The following MEI4 variants were observed in gnomAD, a reference collection of about 807,000 sequenced individuals.
MEI4 encodes the protein meiosis-specific protein MEI4.
A neutral mutation model predicts 31.4 loss-of-function variants in MEI4; 27 were observed. The observed-to-expected ratio is 0.86, with a 90% CI of 0.63 to 1.19. MEI4 has a LOEUF of 1.19. Ranked by LOEUF, MEI4 falls within the 50% of genes most tolerant of loss-of-function variation. The probability of loss-of-function intolerance (pLI) is 0.00; values close to 1 mark genes in which losing one functional copy is unlikely to be tolerated. For synonymous variants in MEI4, 122 were observed against 145.4 expected (o/e 0.84, Z 1.16); for missense variants, 329 against 398.9 (o/e 0.82, Z 1.49).
intron 3 of MEI4, among the ~76,000 whole-genome samples, chr6:77,771,741 C>T (rs980473683): frequency 1.3e-5 from 2 of 151,978 alleles, no homozygotes; most frequent in Admixed American, 1.3e-4. Context: ...ATAACAAGCA[C>T]ACATGGACAC....
chr6:77,913,752 A>T (rs1766481540), intron 4 of MEI4, among the ~76,000 whole-genome samples: 1 of 149,308 alleles, frequency 6.7e-6, no homozygotes, highest in African/African-American at 2.5e-5. Flanking sequence ...ACTTTTGTTG[A>T]GCCCGGGCAC....
At chr6:77,746,219 C>A (rs1216563338) in intron 2 of MEI4, among the ~76,000 whole-genome samples, 2 of 151,980 alleles carry the variant, frequency 1.3e-5, no homozygotes, top group Admixed American at 6.6e-5. Flanking sequence ...ATTGATAGAC[C>A]GCTAGCAAGA....
rs9448158 is a variant in MEI4, at chr6:77,694,964, G to A, written c.232+4061G>A. Among the ~76,000 whole-genome samples the A allele has an allele frequency of 6.5e-3, 989 of 151,404 alleles. 7 individuals carry two copies. The highest frequency in any genetic ancestry group is 0.023 in the African/African-American group (935 of 41,158). The stretch of plus-strand genomic sequence containing the variant: ...TTTAATGATCGCCATTCTAACTGGT[G>A]TGAGATGGTATCTCATTGTGGTTTT... On this transcript the variant is annotated intron_variant, in intron 2 of 4. Coordinates refer to ENST00000684080, the MANE Select transcript of MEI4 (RefSeq NM_001322247.2).
At chr6:77,837,667 T>C (rs1261470187) in intron 4 of MEI4, among the ~76,000 whole-genome samples, 1 of 152,182 alleles carries the variant, frequency 6.6e-6, no homozygotes, top group Non-Finnish European at 1.5e-5. Flanking sequence ...ATTTACTATC[T>C]TGATCTTTAC....
intron 2 of MEI4, among the ~76,000 whole-genome samples, chr6:77,704,036 A>G (rs888209998): frequency 3.3e-5 from 5 of 152,194 alleles, no homozygotes; most frequent in African/African-American, 4.8e-5. Flanking sequence ...AGAGGATAAC[A>G]AAAGAATCAT....
At chr6:77,907,612 C>T (rs1766327017) in intron 4 of MEI4, among the ~76,000 whole-genome samples, 1 of 152,110 alleles carries the variant, frequency 6.6e-6, no homozygotes, top group African/African-American at 2.4e-5. Flanking sequence ...GTGCATGTGT[C>T]CTTATAGCAG....
At chr6:77,769,247 C>T (rs767169283) in intron 3 of MEI4, among the ~76,000 whole-genome samples, 1 of 152,104 alleles carries the variant, frequency 6.6e-6, no homozygotes, top group Non-Finnish European at 1.5e-5. Context: ...TTAGTGCTGT[C>T]CTGTCAGTGG....
intron 1 of MEI4, among the ~76,000 whole-genome samples, chr6:77,687,688 A>G (rs987828449): frequency 1.3e-5 from 2 of 152,016 alleles, no homozygotes; most frequent in Non-Finnish European, 2.9e-5. Flanking sequence ...AAGTCACTCT[A>G]TTTATTACCA....
At chr6:77,813,355 A>G (rs1454346327) in intron 3 of MEI4, among the ~76,000 whole-genome samples, 1 of 152,122 alleles carries the variant, frequency 6.6e-6, no homozygotes, top group African/African-American at 2.4e-5. Flanking sequence ...GAAGTTTTCC[A>G]ATATGCAAGC....
chr6:77,809,662 G>A (rs1166669326), intron 3 of MEI4, among the ~76,000 whole-genome samples: 1 of 152,138 alleles, frequency 6.6e-6, no homozygotes, highest in Non-Finnish European at 1.5e-5. Flanking sequence ...AAAATAGAAT[G>A]AGGCTGAGAA....
At chr6:77,798,051 T>C (rs1015812528) in intron 3 of MEI4, among the ~76,000 whole-genome samples, 1 of 152,110 alleles carries the variant, frequency 6.6e-6, no homozygotes. Context: ...GAAATAAAAC[T>C]AAACTAGAAT....
At chr6:77,662,623 T>G (rs1029422517) in intron 1 of MEI4, among the ~76,000 whole-genome samples, 5 of 152,144 alleles carry the variant, frequency 3.3e-5, no homozygotes, top group Admixed American at 2.6e-4. Flanking sequence ...AAAGTATTAA[T>G]GCAGCGGCAG....
intron 3 of MEI4, among the ~76,000 whole-genome samples, chr6:77,765,321 T>A (rs1366391724): frequency 2.0e-5 from 3 of 150,730 alleles, no homozygotes; most frequent in African/African-American, 7.5e-5. Flanking sequence ...GAGATATTTT[T>A]TTGAATTGAA....
intron 1 of MEI4, among the ~76,000 whole-genome samples, chr6:77,666,679 C>G (rs796078102): frequency 6.6e-6 from 1 of 152,194 alleles, no homozygotes; most frequent in Non-Finnish European, 1.5e-5. Flanking sequence ...TCCTGCTCTT[C>G]TAGCCGTTAT....
chr6:77,692,551 G>T (rs1729795786), intron 2 of MEI4, among the ~76,000 whole-genome samples: 1 of 152,026 alleles, frequency 6.6e-6, no homozygotes, highest in Admixed American at 6.6e-5. Context: ...AAGGAATAGT[G>T]AGTTGAATTA....
intron 3 of MEI4, among the ~76,000 whole-genome samples, chr6:77,768,406 G>A (rs28431813): frequency 0.01 from 1,571 of 152,136 alleles, 27 homozygotes; most frequent in African/African-American, 0.036. Context: ...GTGTAAAAAT[G>A]TATGTTTATA....
chr6:77,716,102 G>T (rs1766577259), intron 2 of MEI4, among the ~76,000 whole-genome samples: 1 of 152,146 alleles, frequency 6.6e-6, no homozygotes, highest in South Asian at 2.1e-4. Context: ...CTAAGTGCTT[G>T]CAATACACTG....
intron 3 of MEI4, among the ~76,000 whole-genome samples, chr6:77,786,630 G>A (rs1768743425): frequency 6.6e-6 from 1 of 152,034 alleles, no homozygotes. Flanking sequence ...GTTTATATTT[G>A]TAGTTAGTAT....
At chr6:77,688,958 A>G (rs912664680) in intron 1 of MEI4, among the ~76,000 whole-genome samples, 1 of 152,030 alleles carries the variant, frequency 6.6e-6, no homozygotes, top group Non-Finnish European at 1.5e-5. Flanking sequence ...CTATAATTCT[A>G]ATTAGTTTGT....
Sources: allele counts gnomAD v4.1 joint callset (sites outside exome capture counted in the v4.1 genomes callset), GRCh38; gene constraint gnomAD v4.1.1; transcripts MANE v1.5; gene names NCBI Gene and HGNC (gene_info 2026-07-23, HGNC 2026-07-21).